Variants in TMEM132C observed in about 807,000 individuals in gnomAD.
TMEM132C encodes transmembrane protein 132C.
TMEM132C carries 29 observed loss-of-function variants against 61.4 expected under a neutral mutation model. The observed-to-expected ratio is 0.47, with a 90% confidence interval of 0.35 to 0.64. The LOEUF is 0.64. TMEM132C is among the 30% of genes least tolerant of loss of function. The probability of loss-of-function intolerance (pLI) is 0.00; values close to 1 mark genes in which losing one functional copy is unlikely to be tolerated. For synonymous variants in TMEM132C, 656 were observed against 633.1 expected, an observed-to-expected ratio of 1.04 and a Z score of -0.54; for missense variants, 1,408 against 1,476.9, an observed-to-expected ratio of 0.95 and a Z score of 0.76.
At chr12:128,303,041 T>A (rs1256310635) in intron 1 of TMEM132C, among the ~76,000 whole-genome samples, 2 of 152,160 alleles carry the variant, frequency 1.3e-5, no homozygotes, top group East Asian at 3.9e-4. Flanking sequence ...AAATCAGTGA[T>A]GGGGAAAATC....
intron 1 of TMEM132C, among the ~76,000 whole-genome samples, chr12:128,384,361 A>C (rs1874510699): frequency 6.6e-6 from 1 of 152,184 alleles, no homozygotes; most frequent in Non-Finnish European, 1.5e-5. Context: ...TGGCTCCTCC[A>C]GCAGTTGTGC....
At chr12:128,516,976 A>G (rs1442164383) in intron 2 of TMEM132C, among the ~76,000 whole-genome samples, 1 of 151,430 alleles carries the variant, frequency 6.6e-6, no homozygotes. Context: ...AATACCAACA[A>G]TTTTGGAGGC....
At chr12:128,576,850 C>A (rs911818444) in intron 3 of TMEM132C, among the ~76,000 whole-genome samples, 6 of 152,192 alleles carry the variant, frequency 3.9e-5, no homozygotes, top group African/African-American at 1.4e-4. Flanking sequence ...TGGCAGAAAG[C>A]TGTTCAGAAA....
intron 5 of TMEM132C, among the ~76,000 whole-genome samples, chr12:128,688,094 G>A (rs1357536859): frequency 2.6e-5 from 4 of 152,220 alleles, no homozygotes; most frequent in Admixed American, 2.0e-4. Context: ...GAGAGGTTCC[G>A]GACTACTACT....
chr12:128,662,925 G>GAC (rs1954407077), intron 4 of TMEM132C, among the ~76,000 whole-genome samples: 1 of 152,114 alleles, frequency 6.6e-6, no homozygotes, highest in African/African-American at 2.4e-5. Context: ...AGCCACGAAT[G>GAC]TGTCTGTTCT....
chr12:128,311,693 G>C (rs1340590874), intron 1 of TMEM132C, among the ~76,000 whole-genome samples: 1 of 152,212 alleles, frequency 6.6e-6, no homozygotes, highest in Non-Finnish European at 1.5e-5. Flanking sequence ...CCCGCAGGCT[G>C]CGGTGTGGCC....
At chr12:128,390,645 G>A (rs1430954395) in intron 1 of TMEM132C, among the ~76,000 whole-genome samples, 2 of 152,212 alleles carry the variant, frequency 1.3e-5, no homozygotes, top group Non-Finnish European at 2.9e-5. Context: ...GGATTAGGAT[G>A]AGGCCCTCTC....
chr12:128,632,948 T>C (rs1239337760), intron 4 of TMEM132C, among the ~76,000 whole-genome samples: 1 of 152,222 alleles, frequency 6.6e-6, no homozygotes, highest in African/African-American at 2.4e-5. Flanking sequence ...AATTATCGAT[T>C]GGTGCATAAC....
chr12:128,295,064 G>A (rs1871364087), intron 1 of TMEM132C, among the ~76,000 whole-genome samples: 1 of 144,186 alleles, frequency 6.9e-6, no homozygotes, highest in African/African-American at 2.5e-5. Flanking sequence ...TTAAAAAATT[G>A]AGAAAGAAAT....
At chr12:128,386,650 C>G (rs1053308069) in intron 1 of TMEM132C, among the ~76,000 whole-genome samples, 1 of 152,176 alleles carries the variant, frequency 6.6e-6, no homozygotes, top group Non-Finnish European at 1.5e-5. Context: ...GTGTGACAGG[C>G]GTTAAGTCCT....
intron 3 of TMEM132C, among the ~76,000 whole-genome samples, chr12:128,609,074 T>G (rs893144754): frequency 1.3e-5 from 2 of 151,982 alleles, no homozygotes; most frequent in Non-Finnish European, 2.9e-5. Flanking sequence ...AGTGGCCAGA[T>G]CTCAGCTCAC....
intron 5 of TMEM132C, among the ~76,000 whole-genome samples, chr12:128,681,495 G>T (rs552208345): frequency 6.6e-6 from 1 of 152,014 alleles, no homozygotes. Context: ...AGATTTCCTG[G>T]CTTCTGGGAT....
At chr12:128,382,881 G>A (rs562016286) in intron 1 of TMEM132C, among the ~76,000 whole-genome samples, 6 of 152,176 alleles carry the variant, frequency 3.9e-5, no homozygotes, top group Admixed American at 2.0e-4. Context: ...TGTTTGTGCT[G>A]TGTGTACCAT....
chr12:128,524,716 T>C (rs186715219), intron 2 of TMEM132C, among the ~76,000 whole-genome samples: 1 of 152,138 alleles, frequency 6.6e-6, no homozygotes, highest in Non-Finnish European at 1.5e-5. Context: ...CTGCTCTCAT[T>C]TCCTTCTTTA....
chr12:128,595,625 G>T (rs1875915938), intron 3 of TMEM132C, among the ~76,000 whole-genome samples: 1 of 152,190 alleles, frequency 6.6e-6, no homozygotes, highest in Non-Finnish European at 1.5e-5. Flanking sequence ...GCACGTGGGG[G>T]TGAGCCTGAC....
At chr12:128,289,354 A>T (rs1038188325) in intron 1 of TMEM132C, among the ~76,000 whole-genome samples, 2 of 152,326 alleles carry the variant, frequency 1.3e-5, no homozygotes, top group Non-Finnish European at 1.5e-5. Flanking sequence ...TTTTAAGAAC[A>T]AGGGAATCTA....
intron 4 of TMEM132C, among the ~76,000 whole-genome samples, chr12:128,625,483 T>C (rs1410699860): frequency 6.6e-6 from 1 of 152,192 alleles, no homozygotes; most frequent in Non-Finnish European, 1.5e-5. Context: ...TTAATGGACT[T>C]ACAGTTCCAC....
chr12:128,675,953 T>A (rs1954582793), intron 5 of TMEM132C, among the ~76,000 whole-genome samples: 1 of 152,212 alleles, frequency 6.6e-6, no homozygotes, highest in Non-Finnish European at 1.5e-5. Flanking sequence ...GCCTTTTAAC[T>A]CTAACTACTT....
At chr12:128,307,836 C>A (rs4882730) in intron 1 of TMEM132C, among the ~76,000 whole-genome samples, 18,741 of 152,220 alleles carry the variant, frequency 0.12, 1,306 homozygotes, top group East Asian at 0.31. Flanking sequence ...CCCACTCCCA[C>A]CAGTCTCTTC....
Sources: gnomAD v4.1 joint callset for allele counts (sites outside exome capture counted in the v4.1 genomes callset) on GRCh38, gnomAD v4.1.1 for gene constraint, MANE v1.5 for transcripts, NCBI Gene and HGNC (gene_info 2026-07-23, HGNC 2026-07-21) for gene names.